Variants in PRIM2 observed in about 807,000 individuals in gnomAD.
The protein encoded by PRIM2 is DNA primase large subunit.
In PRIM2, 39 loss-of-function variants were observed where a neutral mutation model predicts 67.3. The observed-to-expected ratio is 0.58, with a 90% CI of 0.45 to 0.76. The LOEUF (loss-of-function observed/expected upper bound fraction) is 0.76. Among genes scored for constraint, PRIM2 ranks in the 30% least tolerant of loss-of-function variants. The probability of loss-of-function intolerance (pLI) is 0.00; values close to 1 mark genes in which losing one functional copy is unlikely to be tolerated. For synonymous variants in PRIM2, 143 were observed against 198.7 expected (o/e 0.72, Z 2.36); for missense variants, 398 against 598.7 (o/e 0.66, Z 3.50).
chr6:57,424,184 G>GT lies in PRIM2; in HGVS notation c.693+42022dup, dbSNP rs199926157. Among the ~76,000 whole-genome samples, 197 of 152,170 alleles carry GT rather than the reference G, an allele frequency of 1.3e-3. 5 individuals carry two copies. The East Asian group carries it at 0.016, about 13-fold the overall frequency. On this transcript the variant is annotated intron_variant, in intron 7 of 13. Coordinates refer to ENST00000615550, the MANE Select transcript of PRIM2 (RefSeq NM_000947.5). ...CCGAGAAAGTAGAGATTCTTTTTCTGTTTTTTCAGTGTTAGCTGTCTGGAG... is the reference window on the plus strand; with the variant it reads ...CCGAGAAAGTAGAGATTCTTTTTCTGTTTTTTTCAGTGTTAGCTGTCTGGAG...
intron 12 of PRIM2, among the ~76,000 whole-genome samples, chr6:57,609,623 C>T (rs1359048356): frequency 1.3e-5 from 2 of 152,140 alleles, no homozygotes; most frequent in African/African-American, 4.8e-5. Flanking sequence ...TGTATTTCTC[C>T]GTTTGCCCTT....
At chr6:57,237,628 A>C in the PRIM2 span, among the ~76,000 whole-genome samples, 2 of 152,152 alleles carry the variant, frequency 1.3e-5, no homozygotes, top group African/African-American at 2.4e-5. Flanking sequence ...TCAGCTTTCT[A>C]CATATGGCTA....
chr6:57,393,603 C>T (rs1770430357), intron 7 of PRIM2, among the ~76,000 whole-genome samples: 1 of 152,116 alleles, frequency 6.6e-6, no homozygotes, highest in Non-Finnish European at 1.5e-5. Context: ...TTCTCCCACT[C>T]TGTGGGTTGT....
At chr6:57,611,667 T>C (rs1473337915) in intron 12 of PRIM2, among the ~76,000 whole-genome samples, 1 of 152,118 alleles carries the variant, frequency 6.6e-6, no homozygotes, top group Non-Finnish European at 1.5e-5. Context: ...ACTAAGTAAC[T>C]GTAAAATGTG....
At chr6:57,327,562 T>A (rs1317347821) in intron 5 of PRIM2, among the ~76,000 whole-genome samples, 1 of 152,224 alleles carries the variant, frequency 6.6e-6, no homozygotes, top group Non-Finnish European at 1.5e-5. Flanking sequence ...GGTTTCTAAG[T>A]CACATCTACC....
the PRIM2 span, among the ~76,000 whole-genome samples, chr6:57,276,317 G>A: frequency 1.3e-5 from 2 of 152,088 alleles, no homozygotes; most frequent in African/African-American, 4.8e-5. Flanking sequence ...GTGAACCCGG[G>A]ATGCAGAGGG....
Position 57,533,978 on chromosome 6 carries a change from G to A in PRIM2, c.834+1495G>A, listed in dbSNP as rs1197548900. 5.3e-5 allele frequency among the ~76,000 whole-genome samples: 8 copies of A among 152,316 alleles called. No homozygotes were observed. In the Middle Eastern group the frequency reaches 0.01, roughly 194 times the overall value. The stretch of plus-strand genomic sequence containing the variant: ...AGACCCCGTGGTGAGTAATACAGAT[G>A]TATCTTTTTCTGGACTGCCTCCTAA... On this transcript the variant is annotated intron_variant, in intron 9 of 13. Coordinates refer to ENST00000615550, the MANE Select transcript of PRIM2 (RefSeq NM_000947.5).
intron 11 of PRIM2, among the ~76,000 whole-genome samples, chr6:57,604,817 A>T (rs1402990896): frequency 6.6e-6 from 1 of 151,508 alleles, no homozygotes; most frequent in Non-Finnish European, 1.5e-5. Context: ...CAGCCTCCTG[A>T]GTAGCTGGGA....
At chr6:57,297,910 ACC>A in the PRIM2 span, among the ~76,000 whole-genome samples, 1 of 152,204 alleles carries the variant, frequency 6.6e-6, no homozygotes, top group Non-Finnish European at 1.5e-5. Flanking sequence ...AGACTGAGAA[ACC>A]ATGACGACTA....
the PRIM2 span, among the ~76,000 whole-genome samples, chr6:57,274,943 ATT>A: frequency 3.6e-5 from 5 of 137,328 alleles, no homozygotes; most frequent in Non-Finnish European, 6.2e-5. Flanking sequence ...CACCTGGCTA[ATT>A]TTTTTTTTTT....
intron 4 of PRIM2, among the ~76,000 whole-genome samples, chr6:57,324,860 A>T (rs1581790945): frequency 1.3e-5 from 2 of 152,248 alleles, no homozygotes; most frequent in Admixed American, 1.3e-4. Context: ...GAGACTCTGG[A>T]ATTGCTTACT....
At chr6:57,476,366 T>G (rs1408195661) in intron 7 of PRIM2, among the ~76,000 whole-genome samples, 3 of 152,204 alleles carry the variant, frequency 2.0e-5, no homozygotes, top group African/African-American at 7.2e-5. Context: ...AATGGCAGAT[T>G]TAATGGATGG....
intron 13 of PRIM2, among the ~76,000 whole-genome samples, chr6:57,644,585 A>G (rs1409404474): frequency 6.6e-6 from 1 of 152,238 alleles, no homozygotes; most frequent in Non-Finnish European, 1.5e-5. Flanking sequence ...CTTTAATTAA[A>G]TATGCAAAAT....
chr6:57,564,603 C>T (rs1357661799), intron 10 of PRIM2, among the ~76,000 whole-genome samples: 1,526 of 151,992 alleles, frequency 0.01, 22 homozygotes, highest in African/African-American at 0.035. Context: ...GTAGCTACCT[C>T]GAAGCTATGA....
intron 10 of PRIM2, among the ~76,000 whole-genome samples, chr6:57,594,401 G>A (rs1776331157): frequency 6.6e-6 from 1 of 152,174 alleles, no homozygotes; most frequent in African/African-American, 2.4e-5. Flanking sequence ...ACTTACCTTT[G>A]AAAGTTACTC....
At chr6:57,359,057 T>G (rs1769117246) in intron 5 of PRIM2, among the ~76,000 whole-genome samples, 1 of 152,298 alleles carries the variant, frequency 6.6e-6, no homozygotes, top group South Asian at 2.1e-4. Flanking sequence ...CTTTTTCATC[T>G]TCTCCAGCTG....
chr6:57,628,115 G>A (rs1776984248), intron 12 of PRIM2, among the ~76,000 whole-genome samples: 1 of 152,150 alleles, frequency 6.6e-6, no homozygotes, highest in Admixed American at 6.5e-5. Context: ...GTGAGCTGTG[G>A]GTTAGACTTT....
chr6:57,246,642 T>C, the PRIM2 span, among the ~76,000 whole-genome samples: 1 of 152,080 alleles, frequency 6.6e-6, no homozygotes, highest in Non-Finnish European at 1.5e-5. Context: ...CTCAGGTGAA[T>C]GGGGAATGGT....
chr6:57,486,020 A>T (rs1320395850), intron 7 of PRIM2, among the ~76,000 whole-genome samples: 3 of 152,170 alleles, frequency 2.0e-5, no homozygotes, highest in African/African-American at 7.2e-5. Context: ...AAGAGATGGA[A>T]AAGTTAAATA....
Sources: allele counts gnomAD v4.1 joint callset (sites outside exome capture counted in the v4.1 genomes callset), GRCh38; gene constraint gnomAD v4.1.1; transcripts MANE v1.5; gene names NCBI Gene and HGNC (gene_info 2026-07-23, HGNC 2026-07-21).